The following CPNE7 variants were observed in gnomAD, a reference collection of about 807,000 sequenced individuals.
The protein encoded by CPNE7 is copine 7.
A neutral mutation model predicts 66.5 loss-of-function variants in CPNE7; 78 were observed. That is an observed-to-expected ratio of 1.17 (90% CI 0.98 to 1.42). The LOEUF (loss-of-function observed/expected upper bound fraction) is 1.42, where lower values mean the gene tolerates loss of function less well. Ranked by LOEUF, CPNE7 falls within the 40% of genes most tolerant of loss-of-function variation. CPNE7 has a pLI of 0.00. For missense variants in CPNE7, 1,012 were observed against 776.6 expected (o/e 1.30, Z -3.60); for synonymous variants, 468 against 336.7 (o/e 1.39, Z -4.27).
At chr16:89,581,291 A>G (rs536509828) in intron 2 of CPNE7, among the ~76,000 whole-genome samples, 1 of 137,316 alleles carries the variant, frequency 7.3e-6, no homozygotes, top group Admixed American at 7.7e-5. Context: ...CACCAGTCAC[A>G]CAGAACATCC....
At position 89,589,951 on chromosome 16, in the gene CPNE7, G is replaced by A; in HGVS notation, c.1116G>A (p.Glu372=). The A allele has an allele frequency of 6.2e-7, 1 of 1,613,628 alleles. No homozygotes were observed. ...GAGCCCGGATCCCTCCCAAGTATGA[G>A]GTAGGAGAGCCCAGAACCTGAGACC... The part of the protein sequence containing the change: ...GFGARIPPKY[E]VSHDFAINFN... Residue 372 remains glutamate (E), a splice_region_variant and synonymous_variant, in exon 11 of 15, where the codon GAG becomes GAA. Transcript: ENST00000319518.
chr16:89,580,492 C>T (rs1204926482), intron 2 of CPNE7, among the ~76,000 whole-genome samples: 9 of 116,124 alleles, frequency 7.8e-5, no homozygotes, highest in East Asian at 2.4e-4. Flanking sequence ...TCCCGTCACC[C>T]GCTGACACAG....
chr16:89,588,396 C>T (rs2059117910), intron 9 of CPNE7, among the ~76,000 whole-genome samples: 1 of 152,154 alleles, frequency 6.6e-6, no homozygotes, highest in Non-Finnish European at 1.5e-5. Context: ...GTTGGGCGGC[C>T]ACTAAGAAGG....
At chr16:89,586,918 GGGAGA>G (rs2059050664) in intron 8 of CPNE7, 120 bp from the exon 9 acceptor site, 4 of 1,114,740 alleles carry the variant, frequency 3.6e-6, no homozygotes, top group African/African-American at 3.1e-5. Flanking sequence ...GAGAGGATGG[GGGAGA>G]GGAGAGGAGG....
rs757202811 is a variant in CPNE7, at chr16:89,584,251, C to T, written c.507+149C>T. The T allele has an allele frequency of 2.2e-5, 17 of 774,974 alleles. No homozygotes were observed. Among genetic ancestry groups the T allele is most frequent in the Admixed American group, 1.2e-4 (4 of 32,974 alleles). 48.0% of individuals were successfully genotyped at this position (774,974 alleles called of 1,614,324 possible). A position where few individuals can be genotyped will look rare whatever the true frequency, so the allele number is the denominator to read the frequency against. ...CCTGGGGCTGGGCGTGCTGCCGTCA[C>T]GGTCGCCATCATCACTGTCACCGCC... is the stretch of plus-strand genomic sequence containing the variant. On this transcript the variant is annotated intron_variant, in intron 4 of 14. Coordinates refer to ENST00000319518, the MANE Select transcript of CPNE7 (RefSeq NM_153636.3). The surrounding 1 kb of genome is among the most constrained non-coding windows in gnomAD (Gnocchi z 6.0).
Position 89,588,330 on chromosome 16 carries a change from G to C in CPNE7, c.928-345G>C, listed in dbSNP as rs1356517990. On this transcript the variant is annotated intron_variant, in intron 9 of 14. Coordinates refer to ENST00000319518, the MANE Select transcript of CPNE7 (RefSeq NM_153636.3). ...AGAAGCCAGCAAGTGGGAAACGTGG[G>C]GGGACCCAGACCAGGCTTGGTCCAC... 2.0e-5 allele frequency among the ~76,000 whole-genome samples: 3 copies of C among 152,236 alleles called. No homozygotes were observed. In the South Asian group the frequency reaches 6.2e-4, roughly 31 times the overall value.
chr16:89,577,053 A>G (rs1272970237), intron 1 of CPNE7, among the ~76,000 whole-genome samples: 1 of 152,062 alleles, frequency 6.6e-6, no homozygotes, highest in Admixed American at 6.5e-5. Flanking sequence ...ATTTTTCAGG[A>G]TTCTGAAATG....
At position 89,577,571 on chromosome 16, in the gene CPNE7, G is replaced by C; in HGVS notation, c.207G>C (p.Leu69=). ...VGRTEVVRSS[L]HPVFSKVFTV... The stretch of plus-strand genomic sequence containing the variant: ...GAACCGAGGTGGTCCGGAGCAGCCT[G>C]CATCCCGTGTTCTCCAAGGTCTTCA... Residue 69 remains leucine (L), a synonymous_variant, in exon 2 of 15, where the codon CTG becomes CTC. Transcript: ENST00000319518. The C allele has an allele frequency of 1.9e-6, 3 of 1,552,520 alleles. No individual in the cohort carries two copies. The highest frequency in any genetic ancestry group is 2.6e-6 in the Non-Finnish European group (3 of 1,147,426).
In CPNE7 at chr16:89,596,540, G is replaced by A. The variant is rs765190759; in HGVS notation, c.1596G>A (p.Val532=). Residue 532 remains valine (V), a synonymous_variant, in exon 15 of 15, where the codon GTG becomes GTA. Coordinates refer to ENST00000319518, the MANE Select transcript of CPNE7 (RefSeq NM_153636.3). Reference sequence around the variant, plus strand: ...TGGCCGAGGTCCCGAAGCAGGTGGTGGAGTACTACAGCCACAGAGGCCTGC... The same window carrying A: ...TGGCCGAGGTCCCGAAGCAGGTGGTAGAGTACTACAGCCACAGAGGCCTGC... The part of the protein sequence containing the change: ...CVLAEVPKQV[V]EYYSHRGLPP... 78 of 1,610,056 alleles carry A rather than the reference G, an allele frequency of 4.8e-5. No homozygotes were observed. The highest frequency in any genetic ancestry group is 6.4e-5 in the Non-Finnish European group (76 of 1,179,832).
chr16:89,588,075 T>C (rs140495028), intron 9 of CPNE7, among the ~76,000 whole-genome samples: 90 of 528 alleles, frequency 0.17, 18 homozygotes, highest in South Asian at 0.42. Flanking sequence ...CCCCCCGTGT[T>C]ACCCACAGAT....
Position 89,587,066 on chromosome 16 carries a change from G to C in CPNE7, c.891G>C (p.Leu297=). 1 of 1,579,850 alleles carries C rather than the reference G, an allele frequency of 6.3e-7. No individual in the cohort carries two copies. The highest frequency in any genetic ancestry group is 8.6e-7 in the Non-Finnish European group (1 of 1,162,822). ...AGTTCCACAGGGTGTACTCCTTCCTGGACTATATCATGGGCGGCTGCCAGA... is the reference window on the plus strand; with the variant it reads ...AGTTCCACAGGGTGTACTCCTTCCTCGACTATATCATGGGCGGCTGCCAGA... ...DLKFHRVYSF[L]DYIMGGCQIH... Residue 297 remains leucine (L), a synonymous_variant, in exon 9 of 15, where the codon CTG becomes CTC. Transcript: ENST00000319518.
chr16:89,576,091 G>A lies in CPNE7; in HGVS notation c.174+20G>A, dbSNP rs2058855020. ...GTGCAGGTAGGGCCGGGGCGTGGGA[G>A]GCCGAGAGGCCACCGGGCCGGGGCT... On this transcript the variant is annotated intron_variant, in intron 1 of 14. Transcript: ENST00000319518. 4.0e-6 allele frequency: 5 copies of A among 1,245,530 alleles called. No homozygotes were observed. Among genetic ancestry groups the A allele is most frequent in the Non-Finnish European group, 4.0e-6 (4 of 993,934 alleles). 77.2% of individuals were successfully genotyped at this position (1,245,530 alleles called of 1,614,324 possible). A position where few individuals can be genotyped will look rare whatever the true frequency, so the allele number is the denominator to read the frequency against.
chr16:89,591,890 G>A (rs912802973), intron 13 of CPNE7, among the ~76,000 whole-genome samples: 6 of 151,790 alleles, frequency 4.0e-5, no homozygotes, highest in South Asian at 2.1e-4. Context: ...TAGTAGAGAC[G>A]GGGTTTCACC....
At chr16:89,582,124 C>T (rs939896260) in intron 2 of CPNE7, among the ~76,000 whole-genome samples, 1 of 152,244 alleles carries the variant, frequency 6.6e-6, no homozygotes, top group African/African-American at 2.4e-5. Flanking sequence ...GAGGAGGCCC[C>T]TCGTGGGTTC....
rs555700775 is a variant in CPNE7, at chr16:89,593,573, C to T, written c.1303-1794C>T. The stretch of plus-strand genomic sequence containing the variant: ...TTCACTGTGTTAGCCAGGATGGTCT[C>T]GATCTCCTGACCTCGTGATCCGCCC... On this transcript the variant is annotated intron_variant, in intron 13 of 14. Coordinates refer to ENST00000319518, the MANE Select transcript of CPNE7 (RefSeq NM_153636.3). Among the ~76,000 whole-genome samples the T allele has an allele frequency of 2.6e-5, 4 of 151,986 alleles. No homozygotes were observed. The South Asian group carries it at 6.2e-4, about 24-fold the overall frequency.
chr16:89,595,550 G>A lies in CPNE7; in HGVS notation c.1486G>A (p.Glu496Lys), dbSNP rs757117320. The change falls in exon 14 of 15, where the codon GAG becomes AAG. Residue 496 changes from glutamate (E) to lysine (K), a missense_variant. Glu to Lys is a moderately conservative substitution (Grantham distance 56). Transcript: ENST00000319518. ...CGGCGTCCTGCGCTCCCCACGGGGT[G>A]AGCCCGCGCTCCGGGACATCGTACA... The part of the protein sequence containing the change: ...DDGVLRSPRG[E>K]PALRDIVQFV... The A allele has an allele frequency of 6.2e-7, 1 of 1,612,190 alleles. No homozygotes were observed. Among genetic ancestry groups the A allele is most frequent in the Non-Finnish European group, 8.5e-7 (1 of 1,179,508 alleles).
At chr16:89,589,821 A>C in intron 10 of CPNE7, 76 bp from the exon 11 acceptor site, 1 of 1,532,868 alleles carries the variant, frequency 6.5e-7, no homozygotes, top group Non-Finnish European at 9.0e-7. Flanking sequence ...GGCGCCAGTC[A>C]TGTCTCCCTA....
At chr16:89,578,473 C>T (rs757786706) in intron 2 of CPNE7, among the ~76,000 whole-genome samples, 1 of 152,126 alleles carries the variant, frequency 6.6e-6, no homozygotes, top group African/African-American at 2.4e-5. Flanking sequence ...TAAAAGTCTC[C>T]TGGTGGCCGG....
intron 3 of CPNE7, 106 bp from the exon 4 acceptor site, chr16:89,583,922 T>C: frequency 2.0e-6 from 3 of 1,479,778 alleles, no homozygotes; most frequent in Non-Finnish European, 2.8e-6. Context: ...AGACACCTCC[T>C]CTCAGGCCCC....
Sources: gnomAD v4.1 joint callset for allele counts (sites outside exome capture counted in the v4.1 genomes callset) on GRCh38, gnomAD v4.1.1 for gene constraint, Gnocchi (gnomAD v3.1) non-coding constraint, MANE v1.5 for transcripts, NCBI Gene and HGNC (gene_info 2026-07-23, HGNC 2026-07-21) for gene names.